The following MFAP4 variants were observed in gnomAD, a reference collection of about 807,000 sequenced individuals.
MFAP4 encodes the protein microfibril-associated glycoprotein 4.
Under a neutral mutation model 32.4 loss-of-function variants are expected in MFAP4, and 20 were observed. The ratio of observed to expected loss-of-function variants is 0.62; its 90% CI spans 0.43 to 0.90. The LOEUF (loss-of-function observed/expected upper bound fraction) is 0.90, where lower values mean the gene tolerates loss of function less well. MFAP4 is among the 40% of genes least tolerant of loss of function. The pLI, the probability that MFAP4 is intolerant of heterozygous loss-of-function variation, is 0.00. For synonymous variants in MFAP4, 146 were observed against 137.4 expected (o/e 1.06, Z -0.44); for missense variants, 267 against 329.5 (o/e 0.81, Z 1.47).
chr17:19,386,776 G>A lies in MFAP4; in HGVS notation c.69C>T (p.Ser23=), dbSNP rs761442709. ...GCTGCTTACCATCTCCTCGGATCCC[G>A]GAGACCTGGGGGGCACACGGGGGCG... ...LSTPPCAPQV[S]GIRGDALERF... is the part of the protein sequence containing the mutation. Residue 23 remains serine (S), a synonymous_variant, in exon 2 of 6, where the codon TCC becomes TCT. Coordinates refer to ENST00000299610, the MANE Select transcript of MFAP4 (RefSeq NM_002404.3). 154 of 1,575,116 alleles carry A rather than the reference G, an allele frequency of 9.8e-5. No individual in the cohort carries two copies. Among genetic ancestry groups the A allele is most frequent in the Admixed American group, 5.4e-4 (29 of 54,054 alleles).
rs369216051 is a variant in MFAP4 at position 19,386,801 on chromosome 17, G to A, written c.44C>T (p.Thr15Met). 54 of 1,576,426 alleles carry A rather than the reference G, an allele frequency of 3.4e-5. 1 individual carries two copies. The highest frequency in any genetic ancestry group is 4.2e-5 in the Non-Finnish European group (49 of 1,160,934). Residue 15 changes from threonine (T) to methionine (M), a missense_variant, in exon 2 of 6, where the codon ACG (threonine) becomes ATG (methionine). This residue lies in a region of MFAP4 where 223 missense variants were observed against 253.3 expected (regional missense o/e 0.88). Coordinates refer to ENST00000299610, the MANE Select transcript of MFAP4 (RefSeq NM_002404.3). ...LALPLLLLLS[T>M]PPCAPQVSGI... ...GGAGACCTGGGGGGCACACGGGGGC[G>A]TGGAGAGAAGCAGCAGCAGCGGCAG...
chr17:19,384,247 C>T lies in MFAP4; in HGVS notation c.*215G>A, dbSNP rs1283580950. 3 of 580,778 alleles carry T rather than the reference C, an allele frequency of 5.2e-6. No individual in the cohort carries two copies. Among genetic ancestry groups the T allele is most frequent in the Non-Finnish European group, 9.1e-6 (3 of 329,314 alleles). The allele number at this position is 580,778 out of a possible 1,614,324, so 36.0% of individuals were successfully genotyped here. ...CGGAAGAGGCCTGGGGAACTGCTGG[C>T]AGTGTAACTTCAGGTGTAGGGGAGC... is the stretch of plus-strand genomic sequence containing the variant. On this transcript the variant is annotated 3_prime_UTR_variant, in exon 6 of 6. Coordinates refer to ENST00000299610, the MANE Select transcript of MFAP4 (RefSeq NM_002404.3).
rs1169659922 is a variant in MFAP4 at position 19,385,452 on chromosome 17, A to C, written c.243T>G (p.Val81=). The C allele has an allele frequency of 6.2e-7, 1 of 1,614,082 alleles. No individual in the cohort carries two copies. Among genetic ancestry groups the C allele is most frequent in the Non-Finnish European group, 8.5e-7 (1 of 1,180,016 alleles). Residue 81 remains valine, a splice_region_variant and synonymous_variant, in exon 4 of 6, where the codon GTT becomes GTG. Coordinates refer to ENST00000299610, the MANE Select transcript of MFAP4 (RefSeq NM_002404.3). The part of the protein sequence containing the change: ...DMTTEGGKWT[V]FQKRFNGSVS... The stretch of plus-strand genomic sequence containing the variant: ...CTGAGCCATTGAATCTCTTCTGGAA[A>C]ACCTGGAGCAGAGAAGATGAGACTG...
At chr17:19,385,794 C>A (rs1332262331) in intron 3 of MFAP4, among the ~76,000 whole-genome samples, 1 of 152,230 alleles carries the variant, frequency 6.6e-6, no homozygotes, top group Non-Finnish European at 1.5e-5. Flanking sequence ...TTCCTCACTA[C>A]TTCCCAGGAT....
Position 19,385,232 on chromosome 17 carries a change from T to C in MFAP4, c.387A>G (p.Arg129=). The C allele has an allele frequency of 6.2e-7, 1 of 1,614,268 alleles. No homozygotes were observed. Among genetic ancestry groups the C allele is most frequent in the Non-Finnish European group, 8.5e-7 (1 of 1,180,032 alleles). The part of the protein sequence containing the change: ...LLTLKQKYEL[R]VDLEDFENNT... ...TGTTCTCAAAGTCCTCCAAGTCCAC[T>C]CGCAGCTCATACTTCTGCTTCAGTG... The change falls in exon 5 of 6, where the codon CGA becomes CGG. Residue 129 remains arginine (R), a synonymous_variant. Coordinates refer to ENST00000299610, the MANE Select transcript of MFAP4 (RefSeq NM_002404.3).
At chr17:19,386,975 C>CAGGG in intron 1 of MFAP4, 137 bp from the exon 2 acceptor site, 2 of 871,564 alleles carry the variant, frequency 2.3e-6, no homozygotes, top group Non-Finnish European at 3.7e-6. Context: ...CCCCTCTTCC[C>CAGGG]TGCCCCCCCA....
At chr17:19,386,972 T>TGCCTGGGGCCCCCCCCCCCCCCCC in intron 1 of MFAP4, 134 bp from the exon 2 acceptor site, 1 of 937,014 alleles carries the variant, frequency 1.1e-6, no homozygotes, top group Non-Finnish European at 1.7e-6. Context: ...TGGCCCCTCT[T>TGCCTGGGGCCCCCCCCCCCCCCCC]CCCTGCCCCC....
At chr17:19,386,977 G>GGGCGC in intron 1 of MFAP4, 139 bp from the exon 2 acceptor site, 2 of 689,458 alleles carry the variant, frequency 2.9e-6, no homozygotes, top group Non-Finnish European at 4.7e-6. Context: ...CCTCTTCCCT[G>GGGCGC]CCCCCCCACC....
At chr17:19,385,566 G>A in intron 3 of MFAP4, 112 bp from the exon 4 acceptor site, 1 of 940,818 alleles carries the variant, frequency 1.1e-6, no homozygotes, top group South Asian at 1.4e-5. Flanking sequence ...GTTTGTTAAA[G>A]GACTGGGTTG....
intron 3 of MFAP4, 88 bp downstream of exon 3, chr17:19,386,222 A>G: frequency 8.0e-7 from 1 of 1,243,692 alleles, no homozygotes; most frequent in Non-Finnish European, 1.1e-6. Context: ...TTTAAAGATG[A>G]AGAAACTGAG....
chr17:19,386,949 C>A, intron 1 of MFAP4, 111 bp from the exon 2 acceptor site: 1 of 1,425,936 alleles, frequency 7.0e-7, no homozygotes, highest in Non-Finnish European at 9.6e-7. Context: ...GCCTGAATCC[C>A]TCTCCTGCTA....
intron 2 of MFAP4, 43 bp downstream of exon 2, chr17:19,386,717 A>C (rs1202002405): frequency 1.3e-6 from 2 of 1,547,026 alleles, no homozygotes; most frequent in Middle Eastern, 3.3e-4. Context: ...CTTCTTGCAC[A>C]ACCTGTGGGC....
Position 19,386,290 on chromosome 17 carries a change from T to C in MFAP4, c.240+20A>G. ...TGGGATTAGAACCAGCTCTGGCCTCTGTTCCCTCCTCCCACTCACCGTCCA... is the reference window on the plus strand; with the variant it reads ...TGGGATTAGAACCAGCTCTGGCCTCCGTTCCCTCCTCCCACTCACCGTCCA... On this transcript the variant is annotated intron_variant, in intron 3 of 5. Coordinates refer to ENST00000299610, the MANE Select transcript of MFAP4 (RefSeq NM_002404.3). The C allele has an allele frequency of 1.3e-6, 2 of 1,566,844 alleles. No homozygotes were observed. Among genetic ancestry groups the C allele is most frequent in the Non-Finnish European group, 1.7e-6 (2 of 1,155,444 alleles).
chr17:19,387,144 C>T lies in MFAP4; in HGVS notation c.6+6G>A, dbSNP rs1913073244. 1.9e-6 allele frequency: 3 copies of T among 1,610,612 alleles called. No homozygotes were observed. The highest frequency in any genetic ancestry group is 3.3e-5 in the Admixed American group (2 of 59,982). ...GCTATGAGTCCCCCGACCCTGGGCC[C>T]CGTACCTTCATGCTGTCAGTTCTGC... On this transcript the variant is annotated splice_donor_region_variant and intron_variant, in intron 1 of 5. Transcript: ENST00000299610.
At chr17:19,386,626 C>T (rs1913046224) in intron 2 of MFAP4, 134 bp downstream of exon 2, 2 of 1,243,366 alleles carry the variant, frequency 1.6e-6, no homozygotes, top group South Asian at 1.3e-5. Context: ...TGTCATCCAT[C>T]TGCCCCATTT....
At chr17:19,386,737 T>C in intron 2 of MFAP4, 23 bp downstream of exon 2, 1 of 1,559,612 alleles carries the variant, frequency 6.4e-7, no homozygotes, top group Non-Finnish European at 8.7e-7. Flanking sequence ...CCAGGCCGCG[T>C]CTGTGAGTGT....
chr17:19,384,752 T>C (rs752373107), intron 5 of MFAP4, 43 bp from the exon 6 acceptor site: 4 of 1,609,238 alleles, frequency 2.5e-6, no homozygotes, highest in Non-Finnish European at 1.7e-6. Flanking sequence ...GGCAGGGAAC[T>C]GAGCCCCGAG....
At position 19,386,384 on chromosome 17, in the gene MFAP4, G is replaced by A; in HGVS notation, c.166C>T (p.Leu56Phe). ...AQGYQSDGVY[L>F]IYPSGPSVPV... ...ACACTGGGGCCCGAGGGGTAGATGA[G>A]GTACACGCCGTCTGACTGGTAGCCC... Residue 56 changes from leucine (L) to phenylalanine (F), a missense_variant, in exon 3 of 6, where the codon CTC (leucine) becomes TTC (phenylalanine). By Grantham distance (22) the Leu-to-Phe change is conservative. This residue lies in a region of MFAP4 where 223 missense variants were observed against 253.3 expected (regional missense o/e 0.88). Coordinates refer to ENST00000299610, the MANE Select transcript of MFAP4 (RefSeq NM_002404.3). The A allele has an allele frequency of 6.2e-7, 1 of 1,613,874 alleles. No homozygotes were observed. Among genetic ancestry groups the A allele is most frequent in the African/African-American group, 1.3e-5 (1 of 74,996 alleles).
intron 5 of MFAP4, 91 bp from the exon 6 acceptor site, chr17:19,384,800 T>G (rs762472215): frequency 6.5e-6 from 10 of 1,549,094 alleles, no homozygotes; most frequent in South Asian, 1.2e-5. Context: ...CTGTGAGAGA[T>G]ATCACGTGGC....
Sources: gnomAD v4.1 joint callset for allele counts (sites outside exome capture counted in the v4.1 genomes callset) on GRCh38, gnomAD v4.1.1 for gene constraint, gnomAD v4.1.1 regional missense constraint, MANE v1.5 for transcripts, NCBI Gene and HGNC (gene_info 2026-07-23, HGNC 2026-07-21) for gene names.